Variants in POLR2B observed in about 807,000 individuals in gnomAD.
POLR2B encodes the protein RNA polymerase II subunit B.
Under a neutral mutation model 144.6 loss-of-function variants are expected in POLR2B, and 57 were observed. That is an observed-to-expected ratio of 0.39 (90% CI 0.32 to 0.49). The LOEUF is 0.49. Ranked by LOEUF, POLR2B falls within the 20% of genes least tolerant of loss-of-function variation. The pLI is 0.83. For missense variants in POLR2B, 595 were observed against 1,467.4 expected, an observed-to-expected ratio of 0.41 and a Z score of 9.71; for synonymous variants, 442 against 469.8, an observed-to-expected ratio of 0.94 and a Z score of 0.77.
At chr4:56,984,724 G>A (rs996075605) in intron 1 of POLR2B, among the ~76,000 whole-genome samples, 25 of 152,174 alleles carry the variant, frequency 1.6e-4, no homozygotes, top group African/African-American at 5.8e-4. Flanking sequence ...AATTTATTTT[G>A]TATATGTATC....
chr4:56,985,278 A>C lies in POLR2B; in HGVS notation c.20-1076A>C, dbSNP rs1396746021. On this transcript the variant is annotated intron_variant, in intron 1 of 24. Transcript: ENST00000314595. ...GAGACAGAGTCTCGCTCTGTGGCCC[A>C]GGCTGGAGTGCAGTGGCGCGATCTC... is the stretch of plus-strand genomic sequence containing the variant. 4 of 968,542 alleles carry C rather than the reference A, an allele frequency of 4.1e-6. No homozygotes were observed. In the East Asian group the frequency reaches 3.4e-4, roughly 83 times the overall value. The allele number at this position is 968,542 out of a possible 1,614,324, so 60.0% of individuals were successfully genotyped here.
intron 17 of POLR2B, 56 bp downstream of exon 17, chr4:57,021,051 A>T (rs961056829): frequency 2.1e-6 from 2 of 970,548 alleles, no homozygotes; most frequent in Admixed American, 1.8e-5. Flanking sequence ...CTAATTTTTT[A>T]TGCAAAAAAA....
intron 1 of POLR2B, among the ~76,000 whole-genome samples, chr4:56,983,521 G>A (rs1360276446): frequency 6.6e-6 from 1 of 151,756 alleles, no homozygotes; most frequent in African/African-American, 2.4e-5. Context: ...TCAGGGATGC[G>A]CCACCATGCC....
chr4:57,000,598 C>T (rs532229823), intron 7 of POLR2B, among the ~76,000 whole-genome samples: 1 of 152,186 alleles, frequency 6.6e-6, no homozygotes, highest in Admixed American at 6.5e-5. Flanking sequence ...GCCTCTTACT[C>T]CTAAAGACTT....
chr4:57,013,328 G>C (rs116167924), intron 13 of POLR2B, among the ~76,000 whole-genome samples: 1 of 152,060 alleles, frequency 6.6e-6, no homozygotes, highest in South Asian at 2.1e-4. Context: ...CAGGAAGAGA[G>C]TGATTCACTT....
chr4:57,007,108 C>A, intron 10 of POLR2B, 106 bp downstream of exon 10: 2 of 871,046 alleles, frequency 2.3e-6, no homozygotes, highest in Non-Finnish European at 3.5e-6. Flanking sequence ...CTTTCTTGGT[C>A]AAAGGTAAAA....
chr4:57,030,186 A>AT lies in POLR2B; in HGVS notation c.3240-11dup. On this transcript the variant is annotated splice_polypyrimidine_tract_variant and intron_variant, in intron 23 of 24. Transcript: ENST00000314595. ...AATAAAAAATAAGTACAAAGTAATAATTTTTTTCTCTTAACAGTGATGGTG... is the reference window on the plus strand; with the variant it reads ...AATAAAAAATAAGTACAAAGTAATAATTTTTTTTCTCTTAACAGTGATGGTG... 6.2e-7 allele frequency: 1 copy of AT among 1,600,668 alleles called. No homozygotes were observed. The highest frequency in any genetic ancestry group is 8.5e-7 in the Non-Finnish European group (1 of 1,170,578).
intron 18 of POLR2B, among the ~76,000 whole-genome samples, chr4:57,022,901 T>C (rs1280650701): frequency 6.6e-6 from 1 of 152,148 alleles, no homozygotes; most frequent in East Asian, 1.9e-4. Flanking sequence ...GGAGTTAAGA[T>C]TGAGTTAAGA....
rs1008750490 is a variant in POLR2B, at chr4:56,985,226, A to T, written c.20-1128A>T. On this transcript the variant is annotated intron_variant, in intron 1 of 24. Transcript: ENST00000314595. ...GAATAGTGTATGTCTTTACAAAAAAAATTTTATTTTATTTTTTTAAATTTT... is the reference window on the plus strand; with the variant it reads ...GAATAGTGTATGTCTTTACAAAAAATATTTTATTTTATTTTTTTAAATTTT... 13 of 758,574 alleles carry T rather than the reference A, an allele frequency of 1.7e-5. No individual in the cohort carries two copies. The Admixed American group carries it at 8.1e-4, about 47-fold the overall frequency. 47.0% of individuals were successfully genotyped at this position (758,574 alleles called of 1,614,324 possible).
chr4:56,994,929 T>TAAA, intron 5 of POLR2B, 63 bp downstream of exon 5: 1 of 725,738 alleles, frequency 1.4e-6, no homozygotes, highest in African/African-American at 3.0e-5. Flanking sequence ...AAAGTTGAAA[T>TAAA]GAAAAAAAAA....
At chr4:57,024,214 G>T in intron 21 of POLR2B, 102 bp downstream of exon 21, 1 of 598,124 alleles carries the variant, frequency 1.7e-6, no homozygotes, top group Non-Finnish European at 2.8e-6. Flanking sequence ...TTTGTAAAAA[G>T]CTAGTGTGAG....
intron 1 of POLR2B, among the ~76,000 whole-genome samples, chr4:56,983,381 T>TC (rs1449138656): frequency 2.0e-5 from 3 of 149,372 alleles, no homozygotes; most frequent in African/African-American, 7.4e-5. Context: ...TTTTTTTTTT[T>TC]TTTTTTTTTG....
At chr4:56,993,546 C>T (rs1399885926) in intron 3 of POLR2B, among the ~76,000 whole-genome samples, 1 of 152,154 alleles carries the variant, frequency 6.6e-6, no homozygotes, top group African/African-American at 2.4e-5. Flanking sequence ...CTGTTTTCTT[C>T]TCTGAGACTT....
At chr4:57,030,446 G>C (rs1013351491) in intron 24 of POLR2B, 47 bp downstream of exon 24, 2 of 1,404,986 alleles carry the variant, frequency 1.4e-6, no homozygotes, top group African/African-American at 2.9e-5. Context: ...AGAGGAAACT[G>C]TGTTGGTCTG....
chr4:56,981,205 A>G (rs1405845312), intron 1 of POLR2B, among the ~76,000 whole-genome samples: 1 of 152,058 alleles, frequency 6.6e-6, no homozygotes, highest in African/African-American at 2.4e-5. Flanking sequence ...ATTTTGTTTA[A>G]TGTGTCCAGG....
chr4:56,998,783 G>A (rs1722766930), intron 6 of POLR2B, among the ~76,000 whole-genome samples: 1 of 152,196 alleles, frequency 6.6e-6, no homozygotes, highest in Non-Finnish European at 1.5e-5. Context: ...TGGGGGCTGA[G>A]GGTACAAGAA....
At chr4:56,997,134 A>G (rs1722716108) in intron 6 of POLR2B, among the ~76,000 whole-genome samples, 1 of 152,150 alleles carries the variant, frequency 6.6e-6, no homozygotes, top group Non-Finnish European at 1.5e-5. Context: ...TTTATTGGGA[A>G]TACAAGCTTT....
chr4:57,030,733 C>A, intron 24 of POLR2B, 166 bp from the exon 25 acceptor site: 1 of 583,472 alleles, frequency 1.7e-6, no homozygotes, highest in South Asian at 2.3e-5. Context: ...ATACCAAAGC[C>A]TACTAGGAGA....
At chr4:56,987,008 G>A (rs936830597) in intron 2 of POLR2B, among the ~76,000 whole-genome samples, 8 of 152,072 alleles carry the variant, frequency 5.3e-5, no homozygotes, top group East Asian at 1.9e-4. Flanking sequence ...CTTTAATCTG[G>A]AACAGTTCCT....
Sources: gnomAD v4.1 joint callset for allele counts (sites outside exome capture counted in the v4.1 genomes callset) on GRCh38, gnomAD v4.1.1 for gene constraint, MANE v1.5 for transcripts, NCBI Gene and HGNC (gene_info 2026-07-23, HGNC 2026-07-21) for gene names.